The following CEACAM3 variants were observed in gnomAD, a reference collection of about 807,000 sequenced individuals.
The protein encoded by CEACAM3 is CEA cell adhesion molecule 3.
In CEACAM3, 32 loss-of-function variants were observed where a neutral mutation model predicts 30.1. The observed-to-expected ratio is 1.06, with a 90% CI of 0.80 to 1.43. The LOEUF (loss-of-function observed/expected upper bound fraction) is 1.43. Among genes scored for constraint, CEACAM3 ranks in the 40% most tolerant of loss-of-function variants. The probability of loss-of-function intolerance (pLI) is 0.00; values close to 1 mark genes in which losing one functional copy is unlikely to be tolerated. For synonymous variants in CEACAM3, 134 were observed against 127.2 expected, an observed-to-expected ratio of 1.05 and a Z score of -0.36; for missense variants, 290 against 316.3, an observed-to-expected ratio of 0.92 and a Z score of 0.63.
intron 2 of CEACAM3, among the ~76,000 whole-genome samples, chr19:41,798,650 G>A (rs994618923): frequency 2.0e-5 from 3 of 152,180 alleles, no homozygotes; most frequent in Admixed American, 1.3e-4. Flanking sequence ...GTATCCCCAG[G>A]GGGAGGAAAA....
At chr19:41,797,035 C>T in intron 1 of CEACAM3, 1 of 326,038 alleles carries the variant, frequency 3.1e-6, no homozygotes. Context: ...AAAAATATAA[C>T]CAGGGCACTA....
In CEACAM3 at chr19:41,808,845, G is replaced by T. The variant is rs373340925; in HGVS notation, c.457G>T (p.Val153Phe). 1.9e-6 allele frequency: 3 copies of T among 1,611,438 alleles called. No homozygotes were observed. The highest frequency in any genetic ancestry group is 1.3e-5 in the African/African-American group (1 of 74,772). The stretch of plus-strand genomic sequence containing the variant: ...TGCCCCAGGCCTTCCTGTGGGGGCC[G>T]TCGCCGGCATCGTGACCGGGGTCCT... ...ENAPGLPVGA[V>F]AGIVTGVLVG... Residue 153 changes from valine (V) to phenylalanine (F), a missense_variant, in exon 3 of 7, where the codon GTC becomes TTC. By Grantham distance (50) the Val-to-Phe change is conservative. Transcript: ENST00000357396.
At chr19:41,798,061 G>A in intron 2 of CEACAM3, 113 bp downstream of exon 2, 9 of 1,504,254 alleles carry the variant, frequency 6.0e-6, no homozygotes, top group Non-Finnish European at 8.0e-6. Flanking sequence ...TTCTGTATCA[G>A]GGTTTGGACA....
chr19:41,810,111 CT>C, intron 4 of CEACAM3, 94 bp downstream of exon 4: 2 of 1,391,094 alleles, frequency 1.4e-6, no homozygotes, highest in Non-Finnish European at 2.0e-6. Context: ...GACTCTGATC[CT>C]TTCCCGGGGG....
intron 2 of CEACAM3, among the ~76,000 whole-genome samples, chr19:41,801,499 G>GAT (rs1270845202): frequency 2.6e-5 from 4 of 152,202 alleles, no homozygotes; most frequent in Admixed American, 6.5e-5. Context: ...CTGAGACCAC[G>GAT]ATATTGCAGT....
At chr19:41,806,319 C>T (rs1434833949) in intron 2 of CEACAM3, among the ~76,000 whole-genome samples, 6 of 152,106 alleles carry the variant, frequency 3.9e-5, no homozygotes, top group African/African-American at 1.2e-4. Context: ...TGTGAGCCAC[C>T]GCACCCGGCC....
chr19:41,800,009 G>A (rs536295141), intron 2 of CEACAM3, among the ~76,000 whole-genome samples: 8 of 152,212 alleles, frequency 5.3e-5, no homozygotes, highest in Admixed American at 2.6e-4. Flanking sequence ...TCACCCAGGC[G>A]CCGAGGCAAG....
At chr19:41,806,137 C>G (rs961928357) in intron 2 of CEACAM3, among the ~76,000 whole-genome samples, 1 of 152,122 alleles carries the variant, frequency 6.6e-6, no homozygotes, top group Non-Finnish European at 1.5e-5. Context: ...AAGTGATTCT[C>G]CTTCCTCAGC....
In CEACAM3 at chr19:41,796,702, C is replaced by T. The variant is rs1555825238; in HGVS notation, c.25C>T (p.His9Tyr). The T allele has an allele frequency of 2.5e-6, 4 of 1,614,026 alleles. No homozygotes were observed. Residue 9 changes from histidine to tyrosine, a missense_variant, in exon 1 of 7, where the codon CAC becomes TAC. His to Tyr is a moderately conservative substitution (Grantham distance 83, BLOSUM62 2). Coordinates refer to ENST00000357396, the MANE Select transcript of CEACAM3 (RefSeq NM_001815.5). ...CATGGGGCCCCCCTCAGCCTCTCCC[C>T]ACAGAGAATGCATCCCCTGGCAGGG... Reference protein sequence around the residue: MGPPSASPHRECIPWQGLL... With the variant: MGPPSASPYRECIPWQGLL...
At chr19:41,806,000 TG>T (rs2073195974) in intron 2 of CEACAM3, among the ~76,000 whole-genome samples, 7 of 44,064 alleles carry the variant, frequency 1.6e-4, no homozygotes, top group Non-Finnish European at 6.1e-4. Flanking sequence ...TTCCTGTTGT[TG>T]TTGTTTGTTG....
At chr19:41,799,383 T>C (rs2073128793) in intron 2 of CEACAM3, among the ~76,000 whole-genome samples, 1 of 152,186 alleles carries the variant, frequency 6.6e-6, no homozygotes, top group South Asian at 2.1e-4. Context: ...CCTTCCACCA[T>C]GATTGTAAGC....
intron 2 of CEACAM3, among the ~76,000 whole-genome samples, chr19:41,804,146 G>A (rs1276026698): frequency 6.6e-6 from 1 of 151,852 alleles, no homozygotes; most frequent in Non-Finnish European, 1.5e-5. Flanking sequence ...TCAAGATTTT[G>A]TATTGACAAT....
At chr19:41,810,259 C>T in intron 4 of CEACAM3, 64 bp from the exon 5 acceptor site, 4 of 1,566,316 alleles carry the variant, frequency 2.6e-6, no homozygotes, top group Non-Finnish European at 3.5e-6. Flanking sequence ...ACCCCCTACG[C>T]CTTCCTGGAG....
chr19:41,808,740 C>A, intron 2 of CEACAM3, 73 bp from the exon 3 acceptor site: 2 of 1,205,238 alleles, frequency 1.7e-6, no homozygotes, highest in African/African-American at 1.5e-5. Context: ...TGCACACCTT[C>A]CCTGCAAGGC....
At position 41,797,636 on chromosome 19, in the gene CEACAM3, A is replaced by G; in HGVS notation, c.112A>G (p.Ile38Val). Residue 38 changes from isoleucine to valine, a missense_variant, in exon 2 of 7, where the codon ATT becomes GTT. Physicochemically the swap from Ile to Val is conservative, Grantham distance 29. Transcript: ENST00000357396. ...WNPPTTAKLT[I>V]ESMPLSVAEG... is the part of the protein sequence containing the mutation. ...CCCGCCCACCACTGCCAAGCTCACT[A>G]TTGAATCCATGCCGCTCAGTGTCGC... 3 of 1,614,130 alleles carry G rather than the reference A, an allele frequency of 1.9e-6. No homozygotes were observed. Among genetic ancestry groups the G allele is most frequent in the South Asian group, 2.2e-5 (2 of 91,080 alleles).
Position 41,811,410 on chromosome 19 carries a change from G to C in CEACAM3, c.*173G>C. On this transcript the variant is annotated 3_prime_UTR_variant, in exon 7 of 7. Transcript: ENST00000357396. ...TCCCTGATGAATATCTGGAGACCTC[G>C]ACAGCCTGCCCTAGGCCCTGGGTGG... The C allele has an allele frequency of 1.6e-6, 1 of 622,850 alleles. No homozygotes were observed. Among genetic ancestry groups the C allele is most frequent in the Non-Finnish European group, 2.9e-6 (1 of 350,196 alleles). The allele number at this position is 622,850 out of a possible 1,614,324, so 38.6% of individuals were successfully genotyped here.
At chr19:41,810,741 C>A in intron 5 of CEACAM3, 91 bp from the exon 6 acceptor site, 1 of 1,197,980 alleles carries the variant, frequency 8.3e-7, no homozygotes, top group Non-Finnish European at 1.2e-6. Context: ...GGGGAAATGA[C>A]CAGAAGTAAA....
intron 2 of CEACAM3, among the ~76,000 whole-genome samples, chr19:41,804,777 C>T (rs1555826494): frequency 6.6e-6 from 1 of 152,042 alleles, no homozygotes; most frequent in Non-Finnish European, 1.5e-5. Context: ...TGACCTCAGA[C>T]CTTTCGACCA....
chr19:41,807,320 C>T, intron 2 of CEACAM3: 1 of 1,608,030 alleles, frequency 6.2e-7, no homozygotes. Context: ...TGACACAGGA[C>T]CCTATGAGTG....
Sources: allele counts gnomAD v4.1 joint callset (sites outside exome capture counted in the v4.1 genomes callset), GRCh38; gene constraint gnomAD v4.1.1; transcripts MANE v1.5; gene names NCBI Gene and HGNC (gene_info 2026-07-23, HGNC 2026-07-21).